The following PAX7 variants were observed in gnomAD, a reference collection of about 807,000 sequenced individuals.
The protein encoded by PAX7 is paired box protein Pax-7.
A neutral mutation model predicts 50.7 loss-of-function variants in PAX7; 18 were observed. The ratio of observed to expected loss-of-function variants is 0.36; its 90% CI spans 0.25 to 0.53. The LOEUF (loss-of-function observed/expected upper bound fraction) is 0.53. Ranked by LOEUF, PAX7 falls within the 20% of genes least tolerant of loss-of-function variation. The probability of loss-of-function intolerance (pLI) is 0.93; values close to 1 mark genes in which losing one functional copy is unlikely to be tolerated. For synonymous variants in PAX7, 310 were observed against 290.4 expected (o/e 1.07, Z -0.69); for missense variants, 644 against 702.9 (o/e 0.92, Z 0.95).
intron 4 of PAX7, among the ~76,000 whole-genome samples, chr1:18,662,663 T>G (rs1553136172): frequency 6.6e-6 from 1 of 152,162 alleles, no homozygotes; most frequent in Non-Finnish European, 1.5e-5. Flanking sequence ...CTCCGCCTCC[T>G]GAGTTCAACC....
chr1:18,643,161 G>A (rs1242090914), intron 4 of PAX7, among the ~76,000 whole-genome samples: 2 of 152,232 alleles, frequency 1.3e-5, no homozygotes. Flanking sequence ...TTGGGCACGC[G>A]TGCCAGGCCC....
chr1:18,642,314 A>G (rs577895649), intron 4 of PAX7, among the ~76,000 whole-genome samples: 14 of 152,236 alleles, frequency 9.2e-5, no homozygotes, highest in African/African-American at 3.4e-4. Flanking sequence ...TAAACATGTA[A>G]TGTACAAGGT....
intron 4 of PAX7, among the ~76,000 whole-genome samples, chr1:18,684,603 G>A (rs913865727): frequency 3.3e-5 from 5 of 152,262 alleles, no homozygotes; most frequent in Non-Finnish European, 7.3e-5. Flanking sequence ...CCCCAGCTGA[G>A]CTGTAAATGA....
intron 8 of PAX7, among the ~76,000 whole-genome samples, chr1:18,738,045 T>C (rs1557561689): frequency 6.6e-6 from 1 of 152,202 alleles, no homozygotes; most frequent in African/African-American, 2.4e-5. Context: ...GGGGTGAGTG[T>C]ATGAGTGTAT....
intron 8 of PAX7, among the ~76,000 whole-genome samples, chr1:18,737,035 T>C (rs1930747201): frequency 6.6e-6 from 1 of 152,242 alleles, no homozygotes; most frequent in Admixed American, 6.5e-5. Context: ...TGCTATCCCC[T>C]TTGTGCCTTG....
rs972030845 is a variant in PAX7 at position 18,700,238 on chromosome 1, G to A, written c.787-415G>A. Among the ~76,000 whole-genome samples, 4 of 152,012 alleles carry A rather than the reference G, an allele frequency of 2.6e-5. No homozygotes were observed. Among genetic ancestry groups the A allele is most frequent in the East Asian group, 1.9e-4 (1 of 5,170 alleles). On this transcript the variant is annotated intron_variant, in intron 5 of 8. Coordinates refer to ENST00000420770, the MANE Select transcript of PAX7 (RefSeq NM_001135254.2). The surrounding 1 kb of genome is among the most constrained non-coding windows in gnomAD (Gnocchi z 4.8). ...TCTCATTCAGGTGGGTTGCAGATGC[G>A]TGGCTTCCTCCTGGGGGGCTTCCTG...
At chr1:18,691,025 G>T (rs1385296235) in intron 4 of PAX7, among the ~76,000 whole-genome samples, 1 of 152,196 alleles carries the variant, frequency 6.6e-6, no homozygotes, top group Non-Finnish European at 1.5e-5. Flanking sequence ...TGTTGTCCAG[G>T]CTGAAGTGTG....
chr1:18,706,053 G>T (rs1027118420), intron 7 of PAX7, among the ~76,000 whole-genome samples: 1 of 152,162 alleles, frequency 6.6e-6, no homozygotes. Flanking sequence ...CCTGAAGGAC[G>T]GGTGCAGCGA....
In PAX7 at chr1:18,735,397, T is replaced by A. The variant is rs2089697418; in HGVS notation, c.1156-235T>A. 6.6e-6 allele frequency among the ~76,000 whole-genome samples: 1 copy of A among 152,130 alleles called. No individual in the cohort carries two copies. The highest frequency in any genetic ancestry group is 1.5e-5 in the Non-Finnish European group (1 of 67,994). On this transcript the variant is annotated intron_variant, in intron 7 of 8. Coordinates refer to ENST00000420770, the MANE Select transcript of PAX7 (RefSeq NM_001135254.2). The surrounding 1 kb of genome is among the most constrained non-coding windows in gnomAD (Gnocchi z 4.0). The stretch of plus-strand genomic sequence containing the variant: ...GAGTAAGGCCCTGCTGAGTTCTCAG[T>A]GGAAGGAGGATCCCTGGGTCAGGAC...
chr1:18,668,324 A>G (rs1212860662), intron 4 of PAX7, among the ~76,000 whole-genome samples: 2 of 152,196 alleles, frequency 1.3e-5, no homozygotes, highest in African/African-American at 4.8e-5. Flanking sequence ...CATCTCACAG[A>G]GCTGTAAGGC....
intron 5 of PAX7, among the ~76,000 whole-genome samples, chr1:18,699,852 C>T (rs1008445101): frequency 2.0e-5 from 3 of 152,202 alleles, no homozygotes; most frequent in Middle Eastern, 3.4e-3. Flanking sequence ...TGAGCCGCTG[C>T]GCCCGGCCAG....
intron 4 of PAX7, among the ~76,000 whole-genome samples, chr1:18,640,645 C>T (rs746926309): frequency 7.9e-5 from 12 of 152,120 alleles, no homozygotes; most frequent in Non-Finnish European, 1.5e-4. Context: ...AGGATTACCC[C>T]GGGTTGGCAA....
Position 18,745,142 on chromosome 1 carries a change from C to T in PAX7, c.*213C>T, listed in dbSNP as rs1931378922. 1 of 573,938 alleles carries T rather than the reference C, an allele frequency of 1.7e-6. No homozygotes were observed. Among genetic ancestry groups the T allele is most frequent in the Non-Finnish European group, 3.1e-6 (1 of 321,610 alleles). 35.6% of individuals were successfully genotyped at this position (573,938 alleles called of 1,614,324 possible). A position where few individuals can be genotyped will look rare whatever the true frequency, so the allele number is the denominator to read the frequency against. The stretch of plus-strand genomic sequence containing the variant: ...AGTGATGCCCTTGGAGTCTGCTCCC[C>T]ACTTTCCCCAAGGAGGGTTTCTGGT... On this transcript the variant is annotated 3_prime_UTR_variant, in exon 9 of 9. Transcript: ENST00000420770.
At chr1:18,737,640 A>G (rs1336784010) in intron 8 of PAX7, among the ~76,000 whole-genome samples, 1 of 152,270 alleles carries the variant, frequency 6.6e-6, no homozygotes, top group Non-Finnish European at 1.5e-5. Flanking sequence ...ATGTGAGCAT[A>G]TGTGTATATG....
intron 7 of PAX7, among the ~76,000 whole-genome samples, chr1:18,731,446 C>T (rs375185424): frequency 3.3e-5 from 5 of 152,270 alleles, no homozygotes; most frequent in African/African-American, 1.2e-4. Flanking sequence ...TGCCACTTAC[C>T]GGCTGTGTGG....
At position 18,735,688 on chromosome 1, in the gene PAX7, C is replaced by T. The variant is rs1299916932; in HGVS notation, c.1212C>T (p.Phe404=). 14 of 1,614,172 alleles carry T rather than the reference C, an allele frequency of 8.7e-6. No individual in the cohort carries two copies. The highest frequency in any genetic ancestry group is 1.1e-5 in the South Asian group (1 of 91,074). ...TGCCCCCGCAGCCACAGGCTGACTT[C>T]TCCATCTCCCCGCTGCATGGCGGCC... The part of the protein sequence containing the change: ...SAVPPQPQAD[F]SISPLHGGLD... The change falls in exon 8 of 9, where the codon TTC becomes TTT. Residue 404 remains phenylalanine (F), a synonymous_variant. Coordinates refer to ENST00000420770, the MANE Select transcript of PAX7 (RefSeq NM_001135254.2). This position sits in a 1 kb window ranked among gnomAD's most constrained non-coding sequence, Gnocchi z 4.0.
chr1:18,712,848 G>A (rs2089371627), intron 7 of PAX7, among the ~76,000 whole-genome samples: 2 of 152,190 alleles, frequency 1.3e-5, no homozygotes, highest in South Asian at 2.1e-4. Flanking sequence ...TTGGGAGGCT[G>A]AGGCGGGCGG....
chr1:18,679,000 G>T (rs2088861299), intron 4 of PAX7, among the ~76,000 whole-genome samples: 1 of 152,212 alleles, frequency 6.6e-6, no homozygotes. Flanking sequence ...CCTGTAAAAT[G>T]GGGCTAATAG....
chr1:18,643,020 G>A (rs1256463040), intron 4 of PAX7, among the ~76,000 whole-genome samples: 1 of 152,136 alleles, frequency 6.6e-6, no homozygotes, highest in African/African-American at 2.4e-5. Context: ...GGGGTCGGCT[G>A]CACTTGGAAC....
Sources: gnomAD v4.1 joint callset for allele counts (sites outside exome capture counted in the v4.1 genomes callset) on GRCh38, gnomAD v4.1.1 for gene constraint, Gnocchi (gnomAD v3.1) non-coding constraint, MANE v1.5 for transcripts, NCBI Gene and HGNC (gene_info 2026-07-23, HGNC 2026-07-21) for gene names.